Variants in LDB3 observed in about 807,000 individuals in gnomAD.
LDB3 encodes the protein LIM domain-binding protein 3.
LDB3 carries 49 observed loss-of-function variants against 69.0 expected under a neutral mutation model. That is an observed-to-expected ratio of 0.71 (90% CI 0.56 to 0.90). LDB3 has a LOEUF of 0.90. Among genes scored for constraint, LDB3 ranks in the 40% least tolerant of loss-of-function variants. The pLI, the probability that LDB3 is intolerant of heterozygous loss-of-function variation, is 0.00. For synonymous variants in LDB3, 387 were observed against 396.2 expected (o/e 0.98, Z 0.28); for missense variants, 928 against 974.1 (o/e 0.95, Z 0.63).
intron 9 of LDB3, among the ~76,000 whole-genome samples, chr10:86,710,467 G>A (rs1589667919): frequency 6.6e-6 from 1 of 152,318 alleles, no homozygotes; most frequent in African/African-American, 2.4e-5. Context: ...GCACCCACCT[G>A]TAATCCCAGC....
At chr10:86,671,578 C>A (rs1438531276) in intron 2 of LDB3, among the ~76,000 whole-genome samples, 1 of 152,178 alleles carries the variant, frequency 6.6e-6, no homozygotes, top group Non-Finnish European at 1.5e-5. Flanking sequence ...TTTCACCCCA[C>A]CCCAGCCAGT....
chr10:86,678,340 CTTT>C (rs59059288), intron 2 of LDB3, among the ~76,000 whole-genome samples: 3 of 116,030 alleles, frequency 2.6e-5, no homozygotes, highest in East Asian at 2.6e-4. Flanking sequence ...CCTGGCCACC[CTTT>C]TTTTTTTTTT....
intron 7 of LDB3, among the ~76,000 whole-genome samples, chr10:86,701,345 G>A (rs551374864): frequency 6.6e-6 from 1 of 152,256 alleles, no homozygotes; most frequent in Admixed American, 6.5e-5. Flanking sequence ...AAGAGTTGGC[G>A]GGCTCTTGGA....
Position 86,717,489 on chromosome 10 carries a change from T to A in LDB3, c.1677-475T>A, listed in dbSNP as rs369860915. On this transcript the variant is annotated intron_variant, in intron 10 of 13. Transcript: ENST00000361373. Reference sequence around the variant, plus strand: ...CCTGGTCTACCACTTACTAGCCCTATGGCCTTAAACAAGTTGTTCAAACTC... The same window carrying A: ...CCTGGTCTACCACTTACTAGCCCTAAGGCCTTAAACAAGTTGTTCAAACTC... 8.5e-5 allele frequency among the ~76,000 whole-genome samples: 13 copies of A among 152,346 alleles called. 1 individual carries two copies. Among genetic ancestry groups the A allele is most frequent in the African/African-American group, 3.1e-4 (13 of 41,580 alleles).
Position 86,699,157 on chromosome 10 carries a change from T to A in LDB3, c.896+6586T>A. ...TCCCTCCCATGCCCTCTGCCCCACC[T>A]GTTAGACAGGGGAATGGTGAACACA... On this transcript the variant is annotated intron_variant, in intron 7 of 13. Transcript: ENST00000361373. This position sits in a 1 kb window ranked among gnomAD's most constrained non-coding sequence, Gnocchi z 4.9. 64 of 973,296 alleles carry A rather than the reference T, an allele frequency of 6.6e-5. No homozygotes were observed. The highest frequency in any genetic ancestry group is 2.6e-4 in the Middle Eastern group (1 of 3,890). The allele number at this position is 973,296 out of a possible 1,614,324, so 60.3% of individuals were successfully genotyped here. A position where few individuals can be genotyped will look rare whatever the true frequency, so the allele number is the denominator to read the frequency against.
intron 9 of LDB3, chr10:86,710,346 T>C (rs977709548): frequency 7.0e-5 from 55 of 790,646 alleles, no homozygotes; most frequent in Non-Finnish European, 8.3e-5. Flanking sequence ...TCCCAGCACT[T>C]TGGGAGGCTG....
upstream of LDB3, among the ~76,000 whole-genome samples, chr10:86,667,679 G>A (rs538210436): frequency 6.6e-5 from 10 of 152,354 alleles, no homozygotes; most frequent in East Asian, 9.6e-4. Flanking sequence ...CCATGCTGCC[G>A]TCAAGTTTTC....
chr10:86,718,630 C>T (rs1364398748), intron 11 of LDB3, 97 bp from the exon 12 acceptor site: 5 of 1,529,566 alleles, frequency 3.3e-6, no homozygotes, highest in African/African-American at 2.7e-5. Context: ...CTGCCCTGTT[C>T]CCTGGTAGGA....
At chr10:86,700,049 C>T (rs1846193028) in intron 7 of LDB3, 1 of 986,684 alleles carries the variant, frequency 1.0e-6, no homozygotes, top group African/African-American at 1.7e-5. Context: ...AAGTGAACCA[C>T]ACCAAGCCCC....
intron 7 of LDB3, among the ~76,000 whole-genome samples, chr10:86,703,092 A>G (rs931608924): frequency 1.3e-4 from 20 of 152,198 alleles, no homozygotes; most frequent in African/African-American, 3.9e-4. Flanking sequence ...AGCCAAGGAG[A>G]CAGGCAAAGC....
intron 5 of LDB3, among the ~76,000 whole-genome samples, chr10:86,687,787 T>C (rs1005672267): frequency 6.6e-6 from 1 of 152,252 alleles, no homozygotes; most frequent in Non-Finnish European, 1.5e-5. Flanking sequence ...CCCTTCTTTT[T>C]GCCCTAGGAA....
Position 86,668,722 on chromosome 10 carries a change from G to T in LDB3, c.31G>T (p.Gly11Trp). The stretch of plus-strand genomic sequence containing the variant: ...TTACAGTGTGACCCTGACTGGGCCC[G>T]GGCCCTGGGGCTTCCGTCTGCAGGG... MSYSVTLTGP[G>W]PWGFRLQGGK... is the part of the protein sequence containing the mutation. Residue 11 changes from glycine to tryptophan, a missense_variant, in exon 2 of 14, where the codon GGG becomes TGG. Gly to Trp is a radical substitution (Grantham distance 184). Coordinates refer to ENST00000361373, the MANE Select transcript of LDB3 (RefSeq NM_007078.3). 1.2e-6 allele frequency: 2 copies of T among 1,613,394 alleles called. No individual in the cohort carries two copies. Among genetic ancestry groups the T allele is most frequent in the Middle Eastern group, 1.6e-4 (1 of 6,062 alleles).
At chr10:86,674,695 A>G (rs1277324835) in intron 2 of LDB3, among the ~76,000 whole-genome samples, 1 of 152,222 alleles carries the variant, frequency 6.6e-6, no homozygotes, top group African/African-American at 2.4e-5. Flanking sequence ...GGCGGCTAGA[A>G]AGATTAAAAA....
chr10:86,696,905 G>A (rs552779414), intron 7 of LDB3, among the ~76,000 whole-genome samples: 62 of 152,230 alleles, frequency 4.1e-4, no homozygotes, highest in African/African-American at 1.5e-3. Flanking sequence ...ACCTCTCTGG[G>A]CTTCAGCTTC....
In LDB3 at chr10:86,726,250, G is replaced by A. The variant is rs45577134; in HGVS notation, c.2092G>A (p.Ala698Thr). The change falls in exon 13 of 14, where the codon GCA becomes ACA. Residue 698 changes from alanine (A) to threonine (T), a missense_variant and splice_region_variant. Ala to Thr is a moderately conservative substitution (Grantham distance 58). Coordinates refer to ENST00000361373, the MANE Select transcript of LDB3 (RefSeq NM_007078.3). ...TTGGCACGACACCTGCTTCATTTGCGCAGTATGTCTCTAGCTTGGGGCTCT... is the reference window on the plus strand; with the variant it reads ...TTGGCACGACACCTGCTTCATTTGCACAGTATGTCTCTAGCTTGGGGCTCT... ...HTWHDTCFIC[A>T]VCHVNLEGQP... 798 of 1,613,004 alleles carry A rather than the reference G, an allele frequency of 4.9e-4. No individual in the cohort carries two copies. The highest frequency in any genetic ancestry group is 6.3e-4 in the Non-Finnish European group (742 of 1,179,036).
intron 5 of LDB3, among the ~76,000 whole-genome samples, chr10:86,687,742 A>G (rs1468130819): frequency 1.3e-5 from 2 of 152,184 alleles, no homozygotes; most frequent in Admixed American, 6.5e-5. Flanking sequence ...CATCCACACT[A>G]CTGCTGGCAA....
In LDB3 at chr10:86,716,456, C is replaced by T. The variant is rs780337957; in HGVS notation, c.1361C>T (p.Thr454Ile). The T allele has an allele frequency of 1.9e-6, 3 of 1,603,540 alleles. No homozygotes were observed. The highest frequency in any genetic ancestry group is 1.1e-5 in the South Asian group (1 of 90,278). Residue 454 changes from threonine (T) to isoleucine (I), a missense_variant, in exon 10 of 14, where the codon ACT (threonine) becomes ATT (isoleucine). Coordinates refer to ENST00000361373, the MANE Select transcript of LDB3 (RefSeq NM_007078.3). Reference protein sequence around the residue: ...AYTPSPVPTYTPSPAPAYTPS... With the variant: ...AYTPSPVPTYIPSPAPAYTPS... ...ACCCCCTCACCTGTCCCCACCTACA[C>T]TCCATCCCCAGCACCAGCCTATACC...
At chr10:86,721,301 G>C (rs916879991) in intron 12 of LDB3, among the ~76,000 whole-genome samples, 4 of 152,112 alleles carry the variant, frequency 2.6e-5, no homozygotes, top group African/African-American at 7.2e-5. Flanking sequence ...TCATTTTTAC[G>C]TCTCGTCATT....
intron 6 of LDB3, 125 bp from the exon 7 acceptor site, chr10:86,692,406 GGACA>G (rs1338853994): frequency 2.1e-6 from 2 of 953,276 alleles, no homozygotes; most frequent in Non-Finnish European, 3.4e-6. Flanking sequence ...AGCACACAGT[GGACA>G]GGCAAGGGGG....
Sources: allele counts gnomAD v4.1 joint callset (sites outside exome capture counted in the v4.1 genomes callset), GRCh38; gene constraint gnomAD v4.1.1; non-coding constraint Gnocchi (gnomAD v3.1); transcripts MANE v1.5; gene names NCBI Gene and HGNC (gene_info 2026-07-23, HGNC 2026-07-21).